The following DOCK4 variants were observed in gnomAD, a reference collection of about 807,000 sequenced individuals.
The protein encoded by DOCK4 is dedicator of cytokinesis 4, also known as dedicator of cytokinesis protein 4.
DOCK4 carries 97 observed loss-of-function variants against 268.1 expected under a neutral mutation model. That is an observed-to-expected ratio of 0.36 (90% CI 0.31 to 0.43). The LOEUF (loss-of-function observed/expected upper bound fraction) is 0.43, where lower values mean the gene tolerates loss of function less well. Among genes scored for constraint, DOCK4 ranks in the 20% least tolerant of loss-of-function variants. The probability of loss-of-function intolerance (pLI) is 1.00; values close to 1 mark genes in which losing one functional copy is unlikely to be tolerated. For missense variants in DOCK4, 2,145 were observed against 2,455.7 expected, an observed-to-expected ratio of 0.87 and a Z score of 2.67; for synonymous variants, 954 against 887.2, an observed-to-expected ratio of 1.08 and a Z score of -1.34.
rs746809269 is a variant in DOCK4 at position 111,735,084 on chromosome 7, G to C, written c.5389C>G (p.Pro1797Ala). 11 of 1,598,990 alleles carry C rather than the reference G, an allele frequency of 6.9e-6. No individual in the cohort carries two copies. The South Asian group carries it at 1.3e-4, about 18-fold the overall frequency. Residue 1797 changes from proline (P) to alanine (A), a missense_variant, in exon 51 of 53, where the codon CCC becomes GCC. Around this residue, in one of 2 missense-constraint regions of DOCK4, gnomAD observed 547 missense variants for 469.0 expected, o/e 1.17. Coordinates refer to ENST00000428084, the MANE Select transcript of DOCK4 (RefSeq NM_001363540.2). The stretch of plus-strand genomic sequence containing the variant: ...TGTGTGGGTCTTGGAGGGACAGGGG[G>C]AGAGATAAGTTTCCCACTATCCGAC... ...NMSDSGKLIS[P>A]PVPPRPTQTA... is the part of the protein sequence containing the mutation.
At chr7:111,919,917 A>G (rs1792958584) in intron 12 of DOCK4, among the ~76,000 whole-genome samples, 1 of 152,194 alleles carries the variant, frequency 6.6e-6, no homozygotes, top group Non-Finnish European at 1.5e-5. Flanking sequence ...TCCAGATCCT[A>G]TTTTTACAGT....
chr7:111,936,974 A>G (rs1794797617), intron 11 of DOCK4, among the ~76,000 whole-genome samples: 1 of 152,168 alleles, frequency 6.6e-6, no homozygotes, highest in Non-Finnish European at 1.5e-5. Flanking sequence ...AAGACACCAA[A>G]CTGCCATTTA....
At chr7:112,147,790 C>G (rs1055358139) in intron 1 of DOCK4, among the ~76,000 whole-genome samples, 1 of 127,504 alleles carries the variant, frequency 7.8e-6, no homozygotes, top group Non-Finnish European at 1.6e-5. Context: ...CAGGAGCAAA[C>G]GTAGATTTTT....
intron 1 of DOCK4, among the ~76,000 whole-genome samples, chr7:112,203,222 G>T (rs1196743710): frequency 6.6e-6 from 1 of 152,192 alleles, no homozygotes; most frequent in Non-Finnish European, 1.5e-5. Flanking sequence ...AGGTGAAATT[G>T]CCTATCACTG....
intron 36 of DOCK4, among the ~76,000 whole-genome samples, chr7:111,772,499 TAAAAAAC>T (rs920755290): frequency 2.0e-5 from 3 of 152,080 alleles, no homozygotes; most frequent in Admixed American, 2.0e-4. Context: ...TATGCACAAT[TAAAAAAC>T]AAAAAGAGGC....
intron 47 of DOCK4, chr7:111,739,854 G>C (rs934010047): frequency 1.3e-5 from 4 of 314,584 alleles, no homozygotes; most frequent in African/African-American, 6.6e-5. Flanking sequence ...TTCAAAGCAT[G>C]AATTTGGAAA....
chr7:112,021,797 C>T (rs1478851842), intron 1 of DOCK4, among the ~76,000 whole-genome samples: 1 of 152,128 alleles, frequency 6.6e-6, no homozygotes, highest in Non-Finnish European at 1.5e-5. Flanking sequence ...CAAAAAGGAT[C>T]AAGGCCCTGT....
At chr7:111,844,965 G>C in intron 24 of DOCK4, 68 bp from the exon 25 acceptor site, 1 of 1,534,062 alleles carries the variant, frequency 6.5e-7, no homozygotes, top group African/African-American at 1.4e-5. Context: ...TAACAGAAAA[G>C]GGGAAATCAA....
At chr7:112,044,797 A>G (rs1200589313) in intron 1 of DOCK4, among the ~76,000 whole-genome samples, 1 of 152,070 alleles carries the variant, frequency 6.6e-6, no homozygotes, top group African/African-American at 2.4e-5. Context: ...AGGTTCTTTA[A>G]CATAAATCCT....
At chr7:111,742,520 T>C (rs1795986851) in intron 44 of DOCK4, among the ~76,000 whole-genome samples, 1 of 148,464 alleles carries the variant, frequency 6.7e-6, no homozygotes, top group South Asian at 2.2e-4. Context: ...GGCCGGCAAT[T>C]CTCCCTTAAA....
intron 52 of DOCK4, 71 bp from the exon 53 acceptor site, chr7:111,728,791 C>T (rs751802163): frequency 2.3e-5 from 33 of 1,427,794 alleles, no homozygotes; most frequent in African/African-American, 8.5e-5. Flanking sequence ...CTGAAATGTA[C>T]GCCCCGACGC....
intron 51 of DOCK4, among the ~76,000 whole-genome samples, chr7:111,734,054 A>G (rs1211332313): frequency 2.0e-5 from 3 of 151,944 alleles, no homozygotes; most frequent in Non-Finnish European, 4.4e-5. Flanking sequence ...TCTCCCACCT[A>G]AGCCTCCCAA....
chr7:112,133,358 G>T (rs1250084917), intron 1 of DOCK4, among the ~76,000 whole-genome samples: 1 of 152,084 alleles, frequency 6.6e-6, no homozygotes, highest in African/African-American at 2.4e-5. Flanking sequence ...ATATAAATGA[G>T]CACACTTTCC....
chr7:111,745,683 TAAA>T (rs781530065), intron 44 of DOCK4, among the ~76,000 whole-genome samples: 77 of 49,608 alleles, frequency 1.6e-3, no homozygotes, highest in Non-Finnish European at 2.1e-3. Flanking sequence ...GACTCCGTCT[TAAA>T]AAAAAAAAAA....
At chr7:112,015,743 G>C (rs1801756535) in intron 1 of DOCK4, among the ~76,000 whole-genome samples, 1 of 152,160 alleles carries the variant, frequency 6.6e-6, no homozygotes, top group African/African-American at 2.4e-5. Flanking sequence ...TGCTGTAACA[G>C]AATATCACAG....
At position 112,101,205 on chromosome 7, in the gene DOCK4, G is replaced by A. The variant is rs139590467; in HGVS notation, c.38-97074C>T. Among the ~76,000 whole-genome samples the A allele has an allele frequency of 3.8e-3, 571 of 152,234 alleles. 4 individuals carry two copies. Among genetic ancestry groups the A allele is most frequent in the Non-Finnish European group, 4.0e-3 (272 of 68,006 alleles). ...ACAAGCAATTTTATCACAGGCAGAC[G>A]GATCCTTGGTATAAATTCAGCTCCA... is the stretch of plus-strand genomic sequence containing the variant. On this transcript the variant is annotated intron_variant, in intron 1 of 52. Transcript: ENST00000428084.
chr7:111,923,838 T>C (rs1793366230), intron 12 of DOCK4, among the ~76,000 whole-genome samples: 1 of 152,252 alleles, frequency 6.6e-6, no homozygotes, highest in Non-Finnish European at 1.5e-5. Context: ...TTCTGGCTAA[T>C]ATTTTAAGTT....
rs374504389 is a variant in DOCK4 at position 111,728,452 on chromosome 7, C to T, written c.5750G>A (p.Arg1917Gln). ...KTPPPYSVYE[R>Q]TLRRPVPLPH... ...TAGCGGGACGGGGCGCCGCAGAGTCCGCTCGTAGACGCTGTACGGGGGCGG... is the reference window on the plus strand; with the variant it reads ...TAGCGGGACGGGGCGCCGCAGAGTCTGCTCGTAGACGCTGTACGGGGGCGG... The change falls in exon 53 of 53, where the codon CGG becomes CAG. Residue 1917 changes from arginine (R) to glutamine (Q), a missense_variant. This residue lies in a region of DOCK4 where 547 missense variants were observed against 469.0 expected (regional missense o/e 1.17). Coordinates refer to ENST00000428084, the MANE Select transcript of DOCK4 (RefSeq NM_001363540.2). 18 of 1,604,602 alleles carry T rather than the reference C, an allele frequency of 1.1e-5. No homozygotes were observed. Among genetic ancestry groups the T allele is most frequent in the South Asian group, 1.1e-5 (1 of 89,922 alleles).
chr7:111,817,362 C>T (rs1046075153), intron 27 of DOCK4, among the ~76,000 whole-genome samples: 1 of 152,166 alleles, frequency 6.6e-6, no homozygotes, highest in Non-Finnish European at 1.5e-5. Context: ...AGCAGATTAG[C>T]TACTCTACCA....
Sources: gnomAD v4.1 joint callset for allele counts (sites outside exome capture counted in the v4.1 genomes callset) on GRCh38, gnomAD v4.1.1 for gene constraint, gnomAD v4.1.1 regional missense constraint, MANE v1.5 for transcripts, NCBI Gene and HGNC (gene_info 2026-07-23, HGNC 2026-07-21) for gene names.